DCDC2: variants seen among roughly 807,000 people sequenced by gnomAD.
DCDC2 encodes the protein doublecortin domain-containing protein 2.
Under a neutral mutation model 50.2 loss-of-function variants are expected in DCDC2, and 40 were observed. That is an observed-to-expected ratio of 0.80 (90% CI 0.62 to 1.04). The LOEUF is 1.04. Ranked by LOEUF, DCDC2 falls within the 50% of genes least tolerant of loss-of-function variation. The probability of loss-of-function intolerance (pLI) is 0.00; values close to 1 mark genes in which losing one functional copy is unlikely to be tolerated. For synonymous variants in DCDC2, 234 were observed against 210.6 expected (o/e 1.11, Z -0.96); for missense variants, 570 against 581.9 (o/e 0.98, Z 0.21).
intron 7 of DCDC2, among the ~76,000 whole-genome samples, chr6:24,207,256 T>TCTCTCTCTCTC (rs1761735602): frequency 1.3e-4 from 17 of 129,686 alleles, no homozygotes; most frequent in East Asian, 4.5e-4. Context: ...CCATCTATCT[T>TCTCTCTCTCTC]TCTCTCTCTC....
At chr6:24,282,209 C>T (rs748961716) in intron 6 of DCDC2, among the ~76,000 whole-genome samples, 5 of 152,006 alleles carry the variant, frequency 3.3e-5, no homozygotes, top group Non-Finnish European at 5.9e-5. Flanking sequence ...CTAAAACAGC[C>T]TCCAATCATC....
At chr6:24,318,641 G>A (rs1016027617) in intron 2 of DCDC2, among the ~76,000 whole-genome samples, 1 of 151,974 alleles carries the variant, frequency 6.6e-6, no homozygotes, top group Non-Finnish European at 1.5e-5. Flanking sequence ...ACTTATAAGT[G>A]GGAATATGCA....
intron 2 of DCDC2, among the ~76,000 whole-genome samples, chr6:24,348,627 C>T (rs1760309910): frequency 6.6e-6 from 1 of 152,146 alleles, no homozygotes; most frequent in East Asian, 1.9e-4. Context: ...AAATAATACC[C>T]TCTTAATCAA....
chr6:24,306,531 TAGATAGATAGATAGAC>T (rs1399874216), intron 2 of DCDC2, among the ~76,000 whole-genome samples: 19 of 138,812 alleles, frequency 1.4e-4, no homozygotes, highest in African/African-American at 4.9e-4. Flanking sequence ...GATAGATAGA[TAGATAGATAGATAGAC>T]AGACAGACAG....
intron 7 of DCDC2, among the ~76,000 whole-genome samples, chr6:24,276,410 T>C (rs1387528019): frequency 1.3e-5 from 1 of 74,286 alleles, no homozygotes; most frequent in African/African-American, 3.3e-5. Flanking sequence ...TAAAAGGCTT[T>C]TAACAAAAAA....
At chr6:24,274,867 C>T (rs1763318265) in intron 7 of DCDC2, among the ~76,000 whole-genome samples, 7 of 151,872 alleles carry the variant, frequency 4.6e-5, no homozygotes, top group Admixed American at 4.6e-4. Flanking sequence ...AACACTAGAT[C>T]AAACATTTGC....
At chr6:24,177,367 A>G (rs954689294) in intron 9 of DCDC2, among the ~76,000 whole-genome samples, 5 of 152,206 alleles carry the variant, frequency 3.3e-5, no homozygotes, top group African/African-American at 1.2e-4. Flanking sequence ...AACATTTTGC[A>G]TTTTGCCACC....
chr6:24,268,725 C>G (rs1464390031), intron 7 of DCDC2, among the ~76,000 whole-genome samples: 1 of 152,036 alleles, frequency 6.6e-6, no homozygotes, highest in Non-Finnish European at 1.5e-5. Context: ...GCATGCGACA[C>G]TATGCCCGGC....
intron 7 of DCDC2, among the ~76,000 whole-genome samples, chr6:24,242,799 T>C (rs1457563112): frequency 6.6e-6 from 1 of 151,906 alleles, no homozygotes; most frequent in Admixed American, 6.6e-5. Flanking sequence ...CCATCTCTAC[T>C]AGAAATACAA....
intron 6 of DCDC2, 66 bp downstream of exon 6, chr6:24,288,779 GAAGCCCA>G: frequency 1.4e-6 from 2 of 1,400,546 alleles, no homozygotes; most frequent in Non-Finnish European, 2.0e-6. Flanking sequence ...GAACTTAATT[GAAGCCCA>G]AAGGACAGTC....
intron 7 of DCDC2, among the ~76,000 whole-genome samples, chr6:24,253,465 T>C (rs1762833194): frequency 6.6e-6 from 1 of 152,200 alleles, no homozygotes; most frequent in African/African-American, 2.4e-5. Context: ...AACAGGGATC[T>C]GATCTGAGAA....
At chr6:24,289,422 A>T (rs1212200504) in intron 5 of DCDC2, among the ~76,000 whole-genome samples, 1 of 152,188 alleles carries the variant, frequency 6.6e-6, no homozygotes, top group Non-Finnish European at 1.5e-5. Context: ...TGTTTTGTTG[A>T]TATCTGTATT....
chr6:24,183,872 G>T (rs1581572700), intron 8 of DCDC2, among the ~76,000 whole-genome samples: 1 of 152,166 alleles, frequency 6.6e-6, no homozygotes, highest in African/African-American at 2.4e-5. Context: ...GGAAAGGAGT[G>T]GGTTGTTTGG....
intron 2 of DCDC2, among the ~76,000 whole-genome samples, chr6:24,345,927 C>T (rs1760245610): frequency 6.6e-6 from 1 of 152,124 alleles, no homozygotes; most frequent in African/African-American, 2.4e-5. Flanking sequence ...CACCTGTAAT[C>T]CCAGCACTTT....
At chr6:24,267,155 G>A (rs1763138870) in intron 7 of DCDC2, among the ~76,000 whole-genome samples, 2 of 152,160 alleles carry the variant, frequency 1.3e-5, no homozygotes, top group African/African-American at 4.8e-5. Flanking sequence ...ACCAGAGGCT[G>A]GGAAGGGTAG....
chr6:24,307,052 A>T (rs992126597), intron 2 of DCDC2, among the ~76,000 whole-genome samples: 1 of 152,220 alleles, frequency 6.6e-6, no homozygotes, highest in Admixed American at 6.5e-5. Flanking sequence ...GAGCCAATTC[A>T]ACACTTCACA....
At chr6:24,381,114 G>A in the DCDC2 span, among the ~76,000 whole-genome samples, 10 of 151,226 alleles carry the variant, frequency 6.6e-5, 1 homozygote, top group South Asian at 1.5e-3. Context: ...AGAAAAACAC[G>A]TTAAAAAATT....
intron 7 of DCDC2, among the ~76,000 whole-genome samples, chr6:24,208,172 T>G (rs890693779): frequency 1.2e-4 from 18 of 152,150 alleles, no homozygotes; most frequent in African/African-American, 4.3e-4. Flanking sequence ...CCCGCTATGC[T>G]TTTTCATGTC....
intron 7 of DCDC2, among the ~76,000 whole-genome samples, chr6:24,261,015 G>C (rs958315772): frequency 6.6e-6 from 1 of 152,102 alleles, no homozygotes; most frequent in African/African-American, 2.4e-5. Context: ...TACATTCTTT[G>C]TCTAGTCTGA....
Sources: gnomAD v4.1 joint callset for allele counts (sites outside exome capture counted in the v4.1 genomes callset) on GRCh38, gnomAD v4.1.1 for gene constraint, MANE v1.5 for transcripts, NCBI Gene and HGNC (gene_info 2026-07-23, HGNC 2026-07-21) for gene names.